CALCR: variants seen among roughly 807,000 people sequenced by gnomAD.
CALCR encodes the protein calcitonin receptor.
Under a neutral mutation model 59.5 loss-of-function variants are expected in CALCR, and 47 were observed. The observed-to-expected ratio is 0.79, with a 90% CI of 0.63 to 1.01. The LOEUF is 1.01. Among genes scored for constraint, CALCR ranks in the 50% least tolerant of loss-of-function variants. The probability of loss-of-function intolerance (pLI) is 0.00; values close to 1 mark genes in which losing one functional copy is unlikely to be tolerated. For synonymous variants in CALCR, 213 were observed against 211.3 expected (o/e 1.01, Z -0.07); for missense variants, 566 against 597.1 (o/e 0.95, Z 0.54).
intron 5 of CALCR, among the ~76,000 whole-genome samples, chr7:93,474,260 C>T (rs1479336452): frequency 6.6e-6 from 1 of 151,546 alleles, no homozygotes; most frequent in Non-Finnish European, 1.5e-5. Context: ...TATCAAGACA[C>T]TATTATCAGC....
chr7:93,429,079 A>G (rs1315427176), intron 13 of CALCR, among the ~76,000 whole-genome samples: 2 of 152,214 alleles, frequency 1.3e-5, no homozygotes, highest in Non-Finnish European at 2.9e-5. Flanking sequence ...AGTTATTATT[A>G]CAGAAAGGTT....
intron 8 of CALCR, among the ~76,000 whole-genome samples, chr7:93,460,593 G>GTGTATATATATATATATATA (rs1296016997): frequency 2.1e-4 from 19 of 89,356 alleles, no homozygotes; most frequent in African/African-American, 1.0e-3. Flanking sequence ...ATATATATAT[G>GTGTATATATATATATATATA]TATATATATA....
At chr7:93,505,431 C>T (rs909449401) in intron 2 of CALCR, among the ~76,000 whole-genome samples, 6 of 152,288 alleles carry the variant, frequency 3.9e-5, no homozygotes, top group African/African-American at 1.4e-4. Context: ...TAGAGATTAT[C>T]TAATATGAAA....
intron 2 of CALCR, among the ~76,000 whole-genome samples, chr7:93,556,555 T>A (rs1331198127): frequency 6.6e-6 from 1 of 152,088 alleles, no homozygotes; most frequent in Non-Finnish European, 1.5e-5. Context: ...CCAACATAAC[T>A]TCTCAGAAGT....
chr7:93,475,102 A>G (rs1337849791), intron 5 of CALCR, among the ~76,000 whole-genome samples: 1 of 151,812 alleles, frequency 6.6e-6, no homozygotes, highest in African/African-American at 2.4e-5. Context: ...GGCAATTTTT[A>G]GGTATAATTC....
intron 5 of CALCR, among the ~76,000 whole-genome samples, chr7:93,473,037 T>G (rs1224995206): frequency 6.6e-6 from 1 of 151,790 alleles, no homozygotes; most frequent in Non-Finnish European, 1.5e-5. Context: ...CTAAGGGATA[T>G]ATCAAGAGGC....
At chr7:93,562,791 A>G (rs1280155121) in intron 2 of CALCR, among the ~76,000 whole-genome samples, 1 of 152,194 alleles carries the variant, frequency 6.6e-6, no homozygotes, top group East Asian at 1.9e-4. Context: ...CAATTTTCTA[A>G]TTCATGGGGA....
chr7:93,458,734 C>CATAT (rs1800258394), intron 8 of CALCR, among the ~76,000 whole-genome samples: 1 of 152,102 alleles, frequency 6.6e-6, no homozygotes, highest in Non-Finnish European at 1.5e-5. Context: ...TCTTCGGGTT[C>CATAT]ATATACCTTT....
At chr7:93,574,250 C>CA (rs1366118064) in intron 2 of CALCR, 39 bp downstream of exon 2, 3 of 152,336 alleles carry the variant, frequency 2.0e-5, no homozygotes, top group African/African-American at 7.2e-5. Context: ...TTGGACACCC[C>CA]AAATCGTTAA....
At chr7:93,508,440 A>G (rs979322307) in intron 2 of CALCR, among the ~76,000 whole-genome samples, 2 of 152,236 alleles carry the variant, frequency 1.3e-5, no homozygotes, top group African/African-American at 4.8e-5. Context: ...ACAAAATTCA[A>G]TCAAACTATT....
intron 9 of CALCR, among the ~76,000 whole-genome samples, chr7:93,439,584 G>T (rs141589122): frequency 6.6e-6 from 1 of 151,848 alleles, no homozygotes; most frequent in African/African-American, 2.4e-5. Flanking sequence ...CCTCCTTTTA[G>T]GTAGTTTGCT....
intron 2 of CALCR, among the ~76,000 whole-genome samples, chr7:93,518,729 G>A (rs1370211571): frequency 6.6e-6 from 1 of 151,884 alleles, no homozygotes. Flanking sequence ...AGAATATTAT[G>A]TAACTATTAA....
chr7:93,555,858 A>G (rs1246099208), intron 2 of CALCR, among the ~76,000 whole-genome samples: 1 of 152,216 alleles, frequency 6.6e-6, no homozygotes, highest in African/African-American at 2.4e-5. Context: ...TATCGCATTT[A>G]TGAATGAACA....
intron 8 of CALCR, among the ~76,000 whole-genome samples, chr7:93,454,617 A>AC (rs544850534): frequency 1.7e-4 from 23 of 133,018 alleles, no homozygotes; most frequent in Admixed American, 5.6e-4. Context: ...AGATAGAACA[A>AC]AAAAAAAAAA....
At chr7:93,554,769 GTATA>G (rs55879216) in intron 2 of CALCR, among the ~76,000 whole-genome samples, 12,930 of 117,074 alleles carry the variant, frequency 0.11, 1,249 homozygotes, top group African/African-American at 0.18. Flanking sequence ...GCCAGGCCAT[GTATA>G]TATATATATA....
intron 2 of CALCR, among the ~76,000 whole-genome samples, chr7:93,515,742 A>C (rs1390691294): frequency 6.6e-6 from 1 of 151,988 alleles, no homozygotes; most frequent in Non-Finnish European, 1.5e-5. Flanking sequence ...AAATTTGTAG[A>C]ATGAGCATCA....
intron 2 of CALCR, among the ~76,000 whole-genome samples, chr7:93,542,779 C>A (rs188424965): frequency 2.6e-5 from 4 of 152,132 alleles, no homozygotes; most frequent in Non-Finnish European, 5.9e-5. Flanking sequence ...CACAAACCCA[C>A]ACATTAGCCT....
chr7:93,436,171 C>A lies in CALCR; in HGVS notation c.931-1G>T, dbSNP rs1370806356. On this transcript the variant is annotated splice_acceptor_variant, in intron 11 of 13. Coordinates refer to ENST00000426151, the MANE Select transcript of CALCR (RefSeq NM_001742.4). LOFTEE classifies it high-confidence loss of function. ...TGTTGAGCAAAAAGAAGAAATTGAC[C>A]TGCAAATATACGGTGTTATGAGCAA... 8.1e-6 allele frequency: 13 copies of A among 1,612,178 alleles called. No individual in the cohort carries two copies. Among genetic ancestry groups the A allele is most frequent in the Non-Finnish European group, 1.1e-5 (13 of 1,178,290 alleles).
intron 2 of CALCR, among the ~76,000 whole-genome samples, chr7:93,489,581 G>T (rs2115946107): frequency 6.6e-6 from 1 of 151,444 alleles, no homozygotes; most frequent in East Asian, 1.9e-4. Context: ...TGAAAAAGGG[G>T]GTATCATCAC....
Sources: allele counts gnomAD v4.1 joint callset (sites outside exome capture counted in the v4.1 genomes callset), GRCh38; gene constraint gnomAD v4.1.1; transcripts MANE v1.5; gene names NCBI Gene and HGNC (gene_info 2026-07-23, HGNC 2026-07-21).